The following COL6A5 variants were observed in gnomAD, a reference collection of about 807,000 sequenced individuals.
COL6A5 encodes collagen alpha-5(VI) chain.
Under a neutral mutation model 65.6 loss-of-function variants are expected in COL6A5, and 48 were observed. The ratio of observed to expected loss-of-function variants is 0.73; its 90% confidence interval spans 0.58 to 0.93. The LOEUF (loss-of-function observed/expected upper bound fraction) is 0.93, where lower values mean the gene tolerates loss of function less well. COL6A5 is among the 40% of genes least tolerant of loss of function. COL6A5 has a pLI of 0.00. For missense variants in COL6A5, 914 were observed against 928.3 expected (o/e 0.98, Z 0.20); for synonymous variants, 291 against 322.8 (o/e 0.90, Z 1.05).
intron 4 of COL6A5, among the ~76,000 whole-genome samples, chr3:130,450,069 CAGA>C (rs576789896): frequency 9.7e-4 from 140 of 144,042 alleles, no homozygotes; most frequent in African/African-American, 3.1e-3. Context: ...TGTACTGAGA[CAGA>C]AGGAGAGGCT....
At chr3:130,356,423 C>T (rs959530792) in intron 1 of COL6A5, among the ~76,000 whole-genome samples, 2 of 152,012 alleles carry the variant, frequency 1.3e-5, no homozygotes, top group African/African-American at 4.8e-5. Context: ...TCATCAGGAG[C>T]AAATATTGTT....
intron 1 of COL6A5, among the ~76,000 whole-genome samples, chr3:130,347,016 A>G (rs932300215): frequency 6.6e-6 from 1 of 152,212 alleles, no homozygotes; most frequent in Non-Finnish European, 1.5e-5. Context: ...ACTCCTTCAG[A>G]TGAGGCAGGC....
At position 130,424,165 on chromosome 3, in the gene COL6A5, A is replaced by C. The variant is rs994013547; in HGVS notation, c.5163+265A>C. 3.7e-4 allele frequency among the ~76,000 whole-genome samples: 57 copies of C among 152,224 alleles called. 1 individual carries two copies. The highest frequency in any genetic ancestry group is 1.2e-3 in the South Asian group (6 of 4,818). The stretch of plus-strand genomic sequence containing the variant: ...TAAACTGTAAGGTTTACAAATAATA[A>C]TATTGCATTGCAAAATAATTAATAG... On this transcript the variant is annotated intron_variant and NMD_transcript_variant, in intron 29 of 41. Coordinates refer to the COL6A5 transcript ENST00000312481.
At chr3:130,388,071 C>CTAGATAATATTTT (rs1356179116) in intron 5 of COL6A5, among the ~76,000 whole-genome samples, 5 of 152,004 alleles carry the variant, frequency 3.3e-5, no homozygotes, top group African/African-American at 9.6e-5. Flanking sequence ...AAAACTTTTT[C>CTAGATAATATTTT]TCCAATTTCT....
At chr3:130,476,254 CT>C (rs1254786285) in intron 7 of COL6A5, among the ~76,000 whole-genome samples, 1 of 152,036 alleles carries the variant, frequency 6.6e-6, no homozygotes, top group Non-Finnish European at 1.5e-5. Flanking sequence ...GTCTCTTTCT[CT>C]TTTTATAAGA....
intron 1 of COL6A5, among the ~76,000 whole-genome samples, chr3:130,366,048 G>A (rs1012569764): frequency 2.0e-5 from 3 of 152,172 alleles, no homozygotes; most frequent in Non-Finnish European, 2.9e-5. Context: ...AGGAAAGCAG[G>A]CTACTGAAAC....
intron 1 of COL6A5, 66 bp downstream of exon 1, chr3:130,346,047 T>C (rs964220168): frequency 1.0e-5 from 4 of 398,136 alleles, no homozygotes; most frequent in African/African-American, 8.2e-5. Flanking sequence ...AGTAGACAGG[T>C]GGATGTGAGA....
chr3:130,350,519 GACAA>G (rs1429448542), intron 1 of COL6A5, among the ~76,000 whole-genome samples: 2 of 152,112 alleles, frequency 1.3e-5, no homozygotes, highest in Non-Finnish European at 2.9e-5. Context: ...GCCAATAACA[GACAA>G]ACAGAGAGCC....
intron 22 of COL6A5, among the ~76,000 whole-genome samples, chr3:130,415,095 T>A (rs1448643581): frequency 6.6e-6 from 1 of 152,108 alleles, no homozygotes; most frequent in Non-Finnish European, 1.5e-5. Flanking sequence ...CAGGGCCAGT[T>A]CACAGCTGGT....
intron 1 of COL6A5, among the ~76,000 whole-genome samples, chr3:130,358,769 T>TATGGCAA (rs1224134572): frequency 1.3e-5 from 2 of 152,216 alleles, no homozygotes; most frequent in Admixed American, 6.5e-5. Context: ...TGCAGTTGTC[T>TATGGCAA]AATATTGGCC....
chr3:130,369,329 C>T (rs546902774), intron 1 of COL6A5, among the ~76,000 whole-genome samples: 3 of 152,312 alleles, frequency 2.0e-5, no homozygotes, highest in Non-Finnish European at 4.4e-5. Context: ...ATATTTGTGG[C>T]ATGTTTGATT....
At chr3:130,410,167 A>T in intron 19 of COL6A5, 93 bp downstream of exon 19, 1 of 952,222 alleles carries the variant, frequency 1.1e-6, no homozygotes, top group Non-Finnish European at 1.6e-6. Flanking sequence ...AATTGAACAA[A>T]TGCTCTTAAG....
intron 2 of COL6A5, 106 bp downstream of exon 34, chr3:130,439,721 C>G (rs962487906): frequency 3.8e-6 from 3 of 787,920 alleles, no homozygotes; most frequent in Non-Finnish European, 6.1e-6. Context: ...ATCATAGGTT[C>G]TATTTTCAGT....
chr3:130,454,397 ACACGTGATGT>A (rs1709517376), intron 4 of COL6A5, among the ~76,000 whole-genome samples: 1 of 152,146 alleles, frequency 6.6e-6, no homozygotes, highest in South Asian at 2.1e-4. Flanking sequence ...GTGTGCCATC[ACACGTGATGT>A]CACTTGATTT....
At chr3:130,471,011 A>G in intron 7 of COL6A5, 44 bp downstream of exon 39, 1 of 1,357,556 alleles carries the variant, frequency 7.4e-7, no homozygotes, top group East Asian at 2.3e-5. Flanking sequence ...ACAACTGGAA[A>G]CAGTTCTTAA....
At chr3:130,439,490 G>A (rs2107701818) in intron 1 of COL6A5, 32 bp from the exon 34 acceptor site, 4 of 1,496,490 alleles carry the variant, frequency 2.7e-6, no homozygotes, top group Non-Finnish European at 3.6e-6. Flanking sequence ...AAAACAATGA[G>A]CAAACATGCG....
At chr3:130,445,696 C>T (rs1003060136) in intron 4 of COL6A5, among the ~76,000 whole-genome samples, 3 of 152,016 alleles carry the variant, frequency 2.0e-5, no homozygotes, top group Non-Finnish European at 2.9e-5. Flanking sequence ...CCTTTATCTT[C>T]GCATTTTAAG....
At chr3:130,385,326 T>C (rs1363254903) in exon 5 of COL6A5, 1 of 1,550,284 alleles carries the variant, frequency 6.5e-7, no homozygotes, top group Non-Finnish European at 8.7e-7. Flanking sequence ...TTGAAAAGCA[T>C]AAAAAATGAA....
chr3:130,385,011 T>A, exon 5 of COL6A5: 1 of 1,550,900 alleles, frequency 6.4e-7, no homozygotes, highest in East Asian at 2.4e-5. Flanking sequence ...TCTAATGATA[T>A]TGACTTAAGA....
Sources: allele counts gnomAD v4.1 joint callset (sites outside exome capture counted in the v4.1 genomes callset), GRCh38; gene constraint gnomAD v4.1.1; transcripts MANE v1.5; gene names NCBI Gene and HGNC (gene_info 2026-07-23, HGNC 2026-07-21).